Variants in COL26A1 observed in about 807,000 individuals in gnomAD.
COL26A1 encodes the protein collagen alpha-1(XXVI) chain.
COL26A1 carries 41 observed loss-of-function variants against 59.3 expected under a neutral mutation model. The observed-to-expected ratio is 0.69, with a 90% CI of 0.54 to 0.90. The LOEUF (loss-of-function observed/expected upper bound fraction) is 0.90, where lower values mean the gene tolerates loss of function less well. Ranked by LOEUF, COL26A1 falls within the 40% of genes least tolerant of loss-of-function variation. COL26A1 has a pLI of 0.00. For missense variants in COL26A1, 612 were observed against 602.3 expected (o/e 1.02, Z -0.17); for synonymous variants, 266 against 256.0 (o/e 1.04, Z -0.37).
chr7:101,408,953 C>A (rs768477604), intron 1 of COL26A1, among the ~76,000 whole-genome samples: 6 of 152,218 alleles, frequency 3.9e-5, no homozygotes, highest in Non-Finnish European at 8.8e-5. Context: ...GTGCCAAGAC[C>A]CAGATCGTCT....
intron 3 of COL26A1, among the ~76,000 whole-genome samples, chr7:101,454,259 CT>C (rs1016111000): frequency 2.9e-5 from 4 of 137,362 alleles, no homozygotes; most frequent in African/African-American, 1.1e-4. Context: ...CTTTCCTTTT[CT>C]TTTCTTTCTT....
chr7:101,488,666 G>A (rs954599179), intron 3 of COL26A1, among the ~76,000 whole-genome samples: 7 of 152,006 alleles, frequency 4.6e-5, no homozygotes, highest in East Asian at 3.9e-4. Flanking sequence ...GTAAGCCACC[G>A]CGCCCGAACT....
chr7:101,389,545 AT>A (rs937557900), intron 1 of COL26A1, among the ~76,000 whole-genome samples: 3 of 151,150 alleles, frequency 2.0e-5, no homozygotes, highest in African/African-American at 2.4e-5. Context: ...ATGTCCAGCT[AT>A]TTTTTTTGTA....
chr7:101,553,203 C>G lies in COL26A1; in HGVS notation c.1030-123C>G, dbSNP rs533985231. On this transcript the variant is annotated intron_variant, in intron 10 of 12. Transcript: ENST00000313669. Reference sequence around the variant, plus strand: ...GCAGGAGTCCCCTGGGCCCAGCACCCGTTTCCCAGGCCCTGCCTGCCCAGC... The same window carrying G: ...GCAGGAGTCCCCTGGGCCCAGCACCGGTTTCCCAGGCCCTGCCTGCCCAGC... The G allele has an allele frequency of 8.2e-4, 675 of 821,034 alleles. 10 individuals are homozygous for G. The South Asian group carries it at 9.7e-3, about 12-fold the overall frequency. The allele number at this position is 821,034 out of a possible 1,614,324, so 50.9% of individuals were successfully genotyped here. A position where few individuals can be genotyped will look rare whatever the true frequency, so the allele number is the denominator to read the frequency against.
rs182217057 is a variant in COL26A1 at position 101,384,180 on chromosome 7, A to C, written c.158+20990A>C. Among the ~76,000 whole-genome samples, 156 of 144,682 alleles carry C rather than the reference A, an allele frequency of 1.1e-3. 1 individual carries two copies. Among genetic ancestry groups the C allele is most frequent in the African/African-American group, 3.9e-3 (150 of 38,226 alleles). 94.9% of individuals were successfully genotyped at this position (144,682 alleles called of 152,430 possible). ...AGGCGTGCGCCACCATGCTTGACTAATTTTTAAATTATTTGTAGAGATGGG... is the reference window on the plus strand; with the variant it reads ...AGGCGTGCGCCACCATGCTTGACTACTTTTTAAATTATTTGTAGAGATGGG... On this transcript the variant is annotated intron_variant, in intron 1 of 12. Transcript: ENST00000313669.
At chr7:101,430,552 G>A (rs575477887) in intron 2 of COL26A1, among the ~76,000 whole-genome samples, 40 of 151,414 alleles carry the variant, frequency 2.6e-4, no homozygotes, top group Non-Finnish European at 4.1e-4. Flanking sequence ...GCTTCCCAAA[G>A]TGCTGGGATT....
chr7:101,551,237 G>GTTTGGGGGGGGGGC, intron 10 of COL26A1, 94 bp downstream of exon 10: 1 of 386,362 alleles, frequency 2.6e-6, no homozygotes, highest in Non-Finnish European at 5.0e-6. Context: ...TGGTGGGGGG[G>GTTTGGGGGGGGGGC]TTCAGCCCTG....
intron 4 of COL26A1, among the ~76,000 whole-genome samples, chr7:101,534,009 G>A (rs903702521): frequency 6.6e-6 from 1 of 152,228 alleles, no homozygotes; most frequent in African/African-American, 2.4e-5. Flanking sequence ...GACAAGCCCC[G>A]TTCTCACCCA....
intron 3 of COL26A1, among the ~76,000 whole-genome samples, chr7:101,468,176 G>A (rs1793809893): frequency 6.6e-6 from 1 of 151,752 alleles, no homozygotes; most frequent in Non-Finnish European, 1.5e-5. Context: ...GGTGGTGCAC[G>A]CCTGTAATCC....
At chr7:101,519,544 G>A (rs564083852) in intron 3 of COL26A1, among the ~76,000 whole-genome samples, 2 of 152,310 alleles carry the variant, frequency 1.3e-5, no homozygotes, top group South Asian at 4.1e-4. Flanking sequence ...CAGGGGACAG[G>A]CTTCCTGCTC....
At chr7:101,553,164 G>A in intron 10 of COL26A1, 162 bp from the exon 11 acceptor site, 1 of 606,020 alleles carries the variant, frequency 1.7e-6, no homozygotes, top group Non-Finnish European at 2.9e-6. Context: ...CTCCCCTGCT[G>A]TGCTCAGCCC....
At chr7:101,518,660 A>G (rs1430983535) in intron 3 of COL26A1, among the ~76,000 whole-genome samples, 1 of 152,204 alleles carries the variant, frequency 6.6e-6, no homozygotes, top group African/African-American at 2.4e-5. Flanking sequence ...CAGATGAACA[A>G]TGCGATCCTC....
chr7:101,434,876 C>T (rs372904630), intron 2 of COL26A1, among the ~76,000 whole-genome samples: 65 of 148,168 alleles, frequency 4.4e-4, no homozygotes, highest in Middle Eastern at 3.4e-3. Context: ...ATCCTCTCCT[C>T]GTGTGTACAG....
intron 3 of COL26A1, among the ~76,000 whole-genome samples, chr7:101,531,223 G>A (rs910005615): frequency 2.0e-5 from 3 of 152,110 alleles, no homozygotes; most frequent in Admixed American, 1.3e-4. Context: ...CTCCCGCCTT[G>A]GCCTCCCAAA....
chr7:101,444,162 C>A (rs1793127934), intron 2 of COL26A1, among the ~76,000 whole-genome samples: 2 of 151,474 alleles, frequency 1.3e-5, no homozygotes, highest in Admixed American at 1.3e-4. Context: ...ACAGGTGTAA[C>A]CCCTACTCCT....
chr7:101,520,221 A>T (rs182045638), intron 3 of COL26A1, among the ~76,000 whole-genome samples: 4 of 152,168 alleles, frequency 2.6e-5, no homozygotes, highest in Non-Finnish European at 4.4e-5. Context: ...TAAGCTGAAG[A>T]TGGGGTCTGA....
At chr7:101,405,697 C>T (rs897938922) in intron 1 of COL26A1, among the ~76,000 whole-genome samples, 12 of 152,208 alleles carry the variant, frequency 7.9e-5, no homozygotes, top group Non-Finnish European at 1.6e-4. Context: ...CCATCTCTCC[C>T]CCTAGCCTGT....
chr7:101,364,684 C>T (rs1252605946), intron 1 of COL26A1, among the ~76,000 whole-genome samples: 1 of 152,060 alleles, frequency 6.6e-6, no homozygotes, highest in African/African-American at 2.4e-5. Context: ...ATCCCCCGAC[C>T]TTGGCCTCCT....
At chr7:101,447,439 C>T (rs1793225299) in intron 2 of COL26A1, among the ~76,000 whole-genome samples, 1 of 152,216 alleles carries the variant, frequency 6.6e-6, no homozygotes, top group African/African-American at 2.4e-5. Context: ...GGAGGACAGC[C>T]TAAAGTTAGA....
Sources: gnomAD v4.1 joint callset for allele counts (sites outside exome capture counted in the v4.1 genomes callset) on GRCh38, gnomAD v4.1.1 for gene constraint, MANE v1.5 for transcripts, NCBI Gene and HGNC (gene_info 2026-07-23, HGNC 2026-07-21) for gene names.